CAMTA1: variants seen among roughly 807,000 people sequenced by gnomAD.
CAMTA1 encodes the protein calmodulin binding transcription activator 1, also known as calmodulin-binding transcription activator 1.
CAMTA1 carries 27 observed loss-of-function variants against 170.9 expected under a neutral mutation model. The ratio of observed to expected loss-of-function variants is 0.16; its 90% CI spans 0.12 to 0.22. The LOEUF is 0.22. Among genes scored for constraint, CAMTA1 ranks in the 10% least tolerant of loss-of-function variants. CAMTA1 has a pLI of 1.00. For missense variants in CAMTA1, 1,619 were observed against 2,217.2 expected, an observed-to-expected ratio of 0.73 and a Z score of 5.42; for synonymous variants, 833 against 891.5, an observed-to-expected ratio of 0.93 and a Z score of 1.17.
At chr1:7,466,904 C>G (rs2093224359) in intron 5 of CAMTA1, among the ~76,000 whole-genome samples, 1 of 152,184 alleles carries the variant, frequency 6.6e-6, no homozygotes, top group Non-Finnish European at 1.5e-5. Flanking sequence ...CCCTCCCACT[C>G]AGACCTTCCA....
At chr1:7,104,140 T>C (rs929604612) in intron 4 of CAMTA1, among the ~76,000 whole-genome samples, 1 of 143,836 alleles carries the variant, frequency 7.0e-6, no homozygotes, top group East Asian at 2.1e-4. Flanking sequence ...ACTACACACG[T>C]ACACACAACA....
intron 6 of CAMTA1, among the ~76,000 whole-genome samples, chr1:7,638,897 G>A (rs79259474): frequency 1.3e-5 from 2 of 152,150 alleles, no homozygotes; most frequent in African/African-American, 4.8e-5. Flanking sequence ...CTGAGCTCGG[G>A]GGGCAGAAAG....
intron 11 of CAMTA1, among the ~76,000 whole-genome samples, chr1:7,699,258 G>C (rs1052281971): frequency 6.6e-6 from 1 of 151,904 alleles, no homozygotes; most frequent in Non-Finnish European, 1.5e-5. Flanking sequence ...TGCTGCCCAT[G>C]AACCAGGGTC....
At chr1:7,070,660 C>T (rs1410597085) in intron 3 of CAMTA1, among the ~76,000 whole-genome samples, 3 of 152,202 alleles carry the variant, frequency 2.0e-5, no homozygotes, top group African/African-American at 7.2e-5. Context: ...TGGCCCTGAA[C>T]CCAGGTCTTC....
intron 6 of CAMTA1, among the ~76,000 whole-genome samples, chr1:7,475,147 T>C (rs559133892): frequency 1.3e-5 from 2 of 152,366 alleles, no homozygotes; most frequent in Non-Finnish European, 2.9e-5. Flanking sequence ...AAAATCTTTC[T>C]TAAAATGGAG....
At chr1:7,537,477 C>G (rs1255663936) in intron 6 of CAMTA1, among the ~76,000 whole-genome samples, 1 of 152,222 alleles carries the variant, frequency 6.6e-6, no homozygotes, top group East Asian at 1.9e-4. Context: ...TCCTAACAAC[C>G]CTTCTCCAAA....
Position 7,302,535 on chromosome 1 carries a change from C to T in CAMTA1, c.438+52909C>T, listed in dbSNP as rs780438409. Among the ~76,000 whole-genome samples the T allele has an allele frequency of 2.1e-4, 32 of 152,288 alleles. No individual in the cohort carries two copies. In the Middle Eastern group the frequency reaches 0.01, roughly 49 times the overall value. On this transcript the variant is annotated intron_variant, in intron 5 of 22. Coordinates refer to ENST00000303635, the MANE Select transcript of CAMTA1 (RefSeq NM_015215.4). ...TGTGCCTTTATAAATTTTTACACAC[C>T]GCTAAATTATAAATATGCAATGCTG...
chr1:7,477,425 G>A (rs2093438306), intron 6 of CAMTA1, among the ~76,000 whole-genome samples: 1 of 152,108 alleles, frequency 6.6e-6, no homozygotes, highest in South Asian at 2.1e-4. Flanking sequence ...GTAGACACTG[G>A]GAATTTACGG....
At chr1:7,703,816 G>A (rs948407930) in intron 11 of CAMTA1, among the ~76,000 whole-genome samples, 5 of 152,212 alleles carry the variant, frequency 3.3e-5, no homozygotes, top group Admixed American at 6.5e-5. Context: ...AGCGGGATCC[G>A]CTCGGGACGC....
chr1:7,072,563 T>C (rs1391433492), intron 3 of CAMTA1, among the ~76,000 whole-genome samples: 4 of 152,196 alleles, frequency 2.6e-5, no homozygotes, highest in African/African-American at 9.7e-5. Context: ...CAACAAATAG[T>C]ATAGCAAGAT....
At chr1:7,473,259 G>A (rs985989129) in intron 6 of CAMTA1, among the ~76,000 whole-genome samples, 1 of 152,190 alleles carries the variant, frequency 6.6e-6, no homozygotes, top group Non-Finnish European at 1.5e-5. Flanking sequence ...CCCTCCATGG[G>A]AGCCCTGCAG....
rs532417136 is a variant in CAMTA1, at chr1:6,792,252, C to G, written c.45+6677C>G. 3.9e-5 allele frequency among the ~76,000 whole-genome samples: 6 copies of G among 152,104 alleles called. 1 individual carries two copies. In the South Asian group the frequency reaches 1.2e-3, roughly 32 times the overall value. On this transcript the variant is annotated intron_variant, in intron 1 of 22. Coordinates refer to ENST00000303635, the MANE Select transcript of CAMTA1 (RefSeq NM_015215.4). ...AGATTACAGGCATGAGCCAATGTGC[C>G]TGGCCGGAAGTGTTTCCTTGTATAA...
At chr1:7,159,984 C>G (rs1267760709) in intron 4 of CAMTA1, among the ~76,000 whole-genome samples, 1 of 152,158 alleles carries the variant, frequency 6.6e-6, no homozygotes, top group Non-Finnish European at 1.5e-5. Context: ...CAGTGGCTCA[C>G]AACTGTAATC....
intron 5 of CAMTA1, among the ~76,000 whole-genome samples, chr1:7,315,983 C>G (rs1204681874): frequency 6.6e-6 from 1 of 152,146 alleles, no homozygotes; most frequent in African/African-American, 2.4e-5. Context: ...GGAAACTTAA[C>G]AATCATGGCG....
chr1:7,399,394 G>A (rs2089708770), intron 5 of CAMTA1, among the ~76,000 whole-genome samples: 1 of 152,162 alleles, frequency 6.6e-6, no homozygotes, highest in African/African-American at 2.4e-5. Flanking sequence ...AATACAGCCT[G>A]TAGAACCATG....
intron 5 of CAMTA1, among the ~76,000 whole-genome samples, chr1:7,427,721 T>A (rs887632162): frequency 3.9e-5 from 6 of 152,212 alleles, no homozygotes; most frequent in Non-Finnish European, 5.9e-5. Flanking sequence ...TCCCCTGGGA[T>A]GGGCTGTCCT....
chr1:7,123,103 T>C (rs952333356), intron 4 of CAMTA1, among the ~76,000 whole-genome samples: 7 of 152,164 alleles, frequency 4.6e-5, no homozygotes, highest in Non-Finnish European at 1.0e-4. Flanking sequence ...ACCACGTGAG[T>C]TTCCAGGAGC....
At chr1:7,051,923 C>A (rs1458331541) in intron 3 of CAMTA1, among the ~76,000 whole-genome samples, 1 of 152,082 alleles carries the variant, frequency 6.6e-6, no homozygotes, top group Non-Finnish European at 1.5e-5. Flanking sequence ...TCCTTGGGAA[C>A]CTGCTGCACT....
rs755609750 is a variant in CAMTA1, at chr1:6,785,517, CGAG to C, written c.-2_1del. Reference sequence around the variant, plus strand: ...AGGCGCGCGCTCGGGGTCCCGGTCGCGAGGAGGAGGAGGATGTGGCGCGCGGAG... The same window carrying C: ...AGGCGCGCGCTCGGGGTCCCGGTCGCGAGGAGGAGGATGTGGCGCGCGGAG... On this transcript the variant is annotated 5_prime_UTR_variant, in exon 1 of 23. Coordinates refer to ENST00000303635, the MANE Select transcript of CAMTA1 (RefSeq NM_015215.4). 7.3e-4 allele frequency: 750 copies of C among 1,031,164 alleles called. No homozygotes were observed. Among genetic ancestry groups the C allele is most frequent in the South Asian group, 3.1e-3 (91 of 28,976 alleles). The allele number at this position is 1,031,164 out of a possible 1,614,324, so 63.9% of individuals were successfully genotyped here. A position where few individuals can be genotyped will look rare whatever the true frequency, so the allele number is the denominator to read the frequency against.
Sources: gnomAD v4.1 joint callset for allele counts (sites outside exome capture counted in the v4.1 genomes callset) on GRCh38, gnomAD v4.1.1 for gene constraint, MANE v1.5 for transcripts, NCBI Gene and HGNC (gene_info 2026-07-23, HGNC 2026-07-21) for gene names.